PPAT: variants seen among roughly 807,000 people sequenced by gnomAD.
The protein encoded by PPAT is phosphoribosyl pyrophosphate amidotransferase.
In PPAT, 20 loss-of-function variants were observed where a neutral mutation model predicts 60.2. The ratio of observed to expected loss-of-function variants is 0.33; its 90% CI spans 0.23 to 0.48. The LOEUF (loss-of-function observed/expected upper bound fraction) is 0.48. Among genes scored for constraint, PPAT ranks in the 20% least tolerant of loss-of-function variants. PPAT has a pLI of 0.99. For synonymous variants in PPAT, 194 were observed against 215.1 expected (o/e 0.90, Z 0.86); for missense variants, 349 against 629.6 (o/e 0.55, Z 4.77).
Position 56,401,410 on chromosome 4 carries a change from A to G in PPAT, c.806T>C (p.Ile269Thr). The change falls in exon 7 of 11, where the codon ATA becomes ACA. Residue 269 changes from isoleucine (I) to threonine (T), a missense_variant. Transcript: ENST00000264220. Reference protein sequence around the residue: ...SRHNVQTLDIISRSEGNPVAF... With the variant: ...SRHNVQTLDITSRSEGNPVAF... ...CACTGGGTTTCCTTCAGACCTTGAT[A>G]TAATATCAAGAGTTTGGACATTGTG... 1 of 1,607,612 alleles carries G rather than the reference A, an allele frequency of 6.2e-7. No individual in the cohort carries two copies. The highest frequency in any genetic ancestry group is 1.1e-5 in the South Asian group (1 of 90,210).
At position 56,402,187 on chromosome 4, in the gene PPAT, A is replaced by G. The variant is rs754649739; in HGVS notation, c.662-6T>C. 2.5e-6 allele frequency: 4 copies of G among 1,593,242 alleles called. No homozygotes were observed. The South Asian group carries it at 4.4e-5, about 18-fold the overall frequency. On this transcript the variant is annotated splice_polypyrimidine_tract_variant and splice_region_variant and intron_variant, in intron 5 of 10. Transcript: ENST00000264220. The stretch of plus-strand genomic sequence containing the variant: ...TGTTTCTGATGTTTTTTTCTCTGTA[A>G]ATCACAAATCAATTCAATTAATGGA...
chr4:56,404,132 A>G, intron 3 of PPAT: 1 of 364,500 alleles, frequency 2.7e-6, no homozygotes, highest in Non-Finnish European at 5.8e-6. Context: ...GAAGATTTTC[A>G]AGCAGGAAAA....
chr4:56,407,859 T>C (rs1433526166), intron 1 of PPAT, 143 bp from the exon 2 acceptor site: 4 of 641,348 alleles, frequency 6.2e-6, no homozygotes, highest in Non-Finnish European at 2.8e-6. Context: ...GCACTACTTC[T>C]ATTGATGATG....
At chr4:56,431,772 G>T (rs114460344) in intron 1 of PPAT, among the ~76,000 whole-genome samples, 1,757 of 152,294 alleles carry the variant, frequency 0.012, 33 homozygotes, top group African/African-American at 0.038. Context: ...AAATGTGACT[G>T]TGTTTTAAAG....
chr4:56,404,528 G>T (rs1716194256), intron 3 of PPAT, among the ~76,000 whole-genome samples: 1 of 152,128 alleles, frequency 6.6e-6, no homozygotes, highest in Admixed American at 6.5e-5. Flanking sequence ...GAGTCTGAAT[G>T]GGCACTACAG....
chr4:56,401,537 A>G, intron 6 of PPAT, 56 bp from the exon 7 acceptor site: 1 of 1,414,204 alleles, frequency 7.1e-7, no homozygotes, highest in Non-Finnish European at 9.7e-7. Context: ...CTTAAGGCTG[A>G]TGAAAATATT....
At chr4:56,426,636 A>G (rs896503989) in intron 1 of PPAT, among the ~76,000 whole-genome samples, 1 of 152,134 alleles carries the variant, frequency 6.6e-6, no homozygotes, top group African/African-American at 2.4e-5. Flanking sequence ...TAATATTCCA[A>G]TTTACAGATA....
At chr4:56,419,402 A>C (rs1459613382) in intron 1 of PPAT, among the ~76,000 whole-genome samples, 1 of 152,220 alleles carries the variant, frequency 6.6e-6, no homozygotes, top group African/African-American at 2.4e-5. Flanking sequence ...GACTAAAAAA[A>C]CACAACTTTA....
chr4:56,406,373 T>C, intron 3 of PPAT, 122 bp downstream of exon 3: 1 of 969,566 alleles, frequency 1.0e-6, no homozygotes, highest in South Asian at 1.6e-5. Context: ...CAATTGTTTG[T>C]TGCAGTTAGG....
rs1715881686 is a variant in PPAT, at chr4:56,393,550, T to G, written c.*1802A>C. ...TGAGATTAAATTGGTAAAAAAAAAT[T>G]GTAATTGAATTCAGACTTCAGAAAA... is the stretch of plus-strand genomic sequence containing the variant. On this transcript the variant is annotated 3_prime_UTR_variant, in exon 11 of 11. Coordinates refer to ENST00000264220, the MANE Select transcript of PPAT (RefSeq NM_002703.5). The G allele has an allele frequency of 6.6e-6, 1 of 152,326 alleles. No homozygotes were observed. Among genetic ancestry groups the G allele is most frequent in the Admixed American group, 6.6e-5 (1 of 15,260 alleles). The allele number at this position is 152,326 out of a possible 1,614,324, so 9.4% of individuals were successfully genotyped here.
At chr4:56,410,130 A>G (rs1003248076) in intron 1 of PPAT, among the ~76,000 whole-genome samples, 1 of 152,220 alleles carries the variant, frequency 6.6e-6, no homozygotes, top group Non-Finnish European at 1.5e-5. Context: ...CAGAGGAAAT[A>G]TATTATTAAC....
intron 10 of PPAT, 140 bp from the exon 11 acceptor site, chr4:56,395,688 A>C: frequency 1.9e-6 from 1 of 525,218 alleles, no homozygotes; most frequent in Non-Finnish European, 2.9e-6. Context: ...AAAAAAAAAA[A>C]GGAAAAAAAA....
rs1197392768 is a variant in PPAT, at chr4:56,394,458, G to A, written c.*894C>T. The stretch of plus-strand genomic sequence containing the variant: ...TAATTAATTAAATTAAGGATAAAGG[G>A]ATTGTTTGAATCTAAAAATTTGGTT... On this transcript the variant is annotated 3_prime_UTR_variant, in exon 11 of 11. Coordinates refer to ENST00000264220, the MANE Select transcript of PPAT (RefSeq NM_002703.5). The A allele has an allele frequency of 6.6e-6, 1 of 152,002 alleles. No homozygotes were observed. Among genetic ancestry groups the A allele is most frequent in the Non-Finnish European group, 1.5e-5 (1 of 68,008 alleles). 9.4% of individuals were successfully genotyped at this position (152,002 alleles called of 1,614,324 possible).
chr4:56,411,826 T>C (rs1716477873), intron 1 of PPAT, among the ~76,000 whole-genome samples: 1 of 152,166 alleles, frequency 6.6e-6, no homozygotes. Context: ...TGAATGGGGT[T>C]AAGAGGACAA....
chr4:56,404,598 T>C (rs923295521), intron 3 of PPAT, among the ~76,000 whole-genome samples: 2 of 152,222 alleles, frequency 1.3e-5, no homozygotes, highest in African/African-American at 4.8e-5. Flanking sequence ...TAAGTCATTA[T>C]GTCAGGAAAC....
chr4:56,420,131 A>T (rs1716965942), intron 1 of PPAT: 2 of 337,786 alleles, frequency 5.9e-6, no homozygotes, highest in African/African-American at 4.5e-5. Context: ...GCCTGGGATC[A>T]GAAGTGTTTC....
intron 5 of PPAT, 90 bp downstream of exon 5, chr4:56,402,950 C>T (rs1716153762): frequency 8.1e-7 from 1 of 1,230,068 alleles, no homozygotes; most frequent in Non-Finnish European, 1.1e-6. Flanking sequence ...CACCCATCAA[C>T]TTTCTATACC....
Position 56,394,191 on chromosome 4 carries a change from C to A in PPAT, c.*1161G>T, listed in dbSNP as rs1335883341. The stretch of plus-strand genomic sequence containing the variant: ...AAAACTTCAAAAAAGAAATCAAATT[C>A]ATTAGATCTTAATATAGTAGAAAAA... On this transcript the variant is annotated 3_prime_UTR_variant, in exon 11 of 11. Coordinates refer to ENST00000264220, the MANE Select transcript of PPAT (RefSeq NM_002703.5). 3 of 152,060 alleles carry A rather than the reference C, an allele frequency of 2.0e-5. No individual in the cohort carries two copies. The highest frequency in any genetic ancestry group is 4.4e-5 in the Non-Finnish European group (3 of 68,000). 9.4% of individuals were successfully genotyped at this position (152,060 alleles called of 1,614,324 possible). A position where few individuals can be genotyped will look rare whatever the true frequency, so the allele number is the denominator to read the frequency against.
At position 56,417,835 on chromosome 4, in the gene PPAT, G is replaced by GTTTTTT. The variant is rs1207160039; in HGVS notation, c.129-10125_129-10120dup. ...ATCTTCGGTATAATTTGAAGATTTG[G>GTTTTTT]TTTTTTGTTTTTTTTTTTTTTTTTG... On this transcript the variant is annotated intron_variant, in intron 1 of 10. Transcript: ENST00000264220. Among the ~76,000 whole-genome samples the GTTTTTT allele has an allele frequency of 5.1e-3, 527 of 102,406 alleles. 16 individuals are homozygous for GTTTTTT. The highest frequency in any genetic ancestry group is 0.017 in the African/African-American group (494 of 28,608). The allele number at this position is 102,406 out of a possible 152,430, so 67.2% of individuals were successfully genotyped here.
Sources: allele counts gnomAD v4.1 joint callset (sites outside exome capture counted in the v4.1 genomes callset), GRCh38; gene constraint gnomAD v4.1.1; transcripts MANE v1.5; gene names NCBI Gene and HGNC (gene_info 2026-07-23, HGNC 2026-07-21).